Variants in ANKRD28 observed in about 807,000 individuals in gnomAD.
ANKRD28 encodes the protein ankyrin repeat domain 28, also known as serine/threonine-protein phosphatase 6 regulatory ankyrin repeat subunit A.
A neutral mutation model predicts 126.5 loss-of-function variants in ANKRD28; 44 were observed. The observed-to-expected ratio is 0.35, with a 90% CI of 0.27 to 0.45. ANKRD28 has a LOEUF of 0.45. Among genes scored for constraint, ANKRD28 ranks in the 20% least tolerant of loss-of-function variants. The probability of loss-of-function intolerance (pLI) is 1.00; values close to 1 mark genes in which losing one functional copy is unlikely to be tolerated. For missense variants in ANKRD28, 1,110 were observed against 1,316.6 expected, an observed-to-expected ratio of 0.84 and a Z score of 2.43; for synonymous variants, 442 against 468.5, an observed-to-expected ratio of 0.94 and a Z score of 0.73.
chr3:15,736,894 T>C (rs935656809), intron 5 of ANKRD28, 139 bp downstream of exon 5: 5 of 854,566 alleles, frequency 5.9e-6, no homozygotes, highest in African/African-American at 3.4e-5. Context: ...GAGAAAGTTA[T>C]AAAAGGAGGC....
At chr3:15,674,407 ATG>A (rs2066724543) in intron 27 of ANKRD28, among the ~76,000 whole-genome samples, 1 of 152,098 alleles carries the variant, frequency 6.6e-6, no homozygotes, top group Admixed American at 6.6e-5. Context: ...ACTGTTAAGA[ATG>A]AGAATTGTCT....
intron 6 of ANKRD28, among the ~76,000 whole-genome samples, chr3:15,734,012 C>T (rs1290076252): frequency 6.6e-6 from 1 of 151,950 alleles, no homozygotes; most frequent in Non-Finnish European, 1.5e-5. Context: ...TACAGTTGAC[C>T]CTGGAATAAC....
chr3:15,714,542 A>AAC, intron 9 of ANKRD28, 36 bp downstream of exon 9: 1 of 1,485,542 alleles, frequency 6.7e-7, no homozygotes, highest in South Asian at 1.3e-5. Context: ...GAAAAAAAAA[A>AAC]AAAAACCCCA....
intron 1 of ANKRD28, among the ~76,000 whole-genome samples, chr3:15,811,908 C>G (rs1362103829): frequency 6.6e-6 from 1 of 151,612 alleles, no homozygotes; most frequent in Non-Finnish European, 1.5e-5. Context: ...AATCCCAGCA[C>G]TTTGGGAGGT....
intron 2 of ANKRD28, among the ~76,000 whole-genome samples, chr3:15,778,087 C>A (rs1031668817): frequency 6.6e-6 from 1 of 152,072 alleles, no homozygotes; most frequent in Non-Finnish European, 1.5e-5. Context: ...GAGCTCCTTT[C>A]GTGGTCTCCC....
chr3:15,681,835 C>T (rs146742186), intron 21 of ANKRD28, among the ~76,000 whole-genome samples: 1 of 152,276 alleles, frequency 6.6e-6, no homozygotes, highest in East Asian at 1.9e-4. Context: ...CAACTGGCAT[C>T]TAGTGGGTAG....
chr3:15,849,123 A>C (rs1478139988), intron 1 of ANKRD28, among the ~76,000 whole-genome samples: 1 of 152,212 alleles, frequency 6.6e-6, no homozygotes, highest in Admixed American at 6.5e-5. Context: ...CAAAACTTGT[A>C]CTCTTGAAAC....
intron 3 of ANKRD28, among the ~76,000 whole-genome samples, chr3:15,763,039 ATTTC>A (rs1198370309): frequency 1.3e-5 from 2 of 152,162 alleles, no homozygotes; most frequent in Non-Finnish European, 2.9e-5. Context: ...AGCCTGGTTT[ATTTC>A]TTTATTTTTT....
At position 15,674,196 on chromosome 3, in the gene ANKRD28, A is replaced by AAAAAAAAAAAAG. The variant is rs1470515364; in HGVS notation, c.2965+1701_2965+1702insCTTTTTTTTTTT. Among the ~76,000 whole-genome samples the AAAAAAAAAAAAG allele has an allele frequency of 6.8e-4, 88 of 130,112 alleles. 1 individual carries two copies. Among genetic ancestry groups the AAAAAAAAAAAAG allele is most frequent in the East Asian group, 3.1e-3 (9 of 2,934 alleles). 85.4% of individuals were successfully genotyped at this position (130,112 alleles called of 152,430 possible). On this transcript the variant is annotated intron_variant, in intron 27 of 27. Transcript: ENST00000683139. ...CTTCAAAAAAAAAAAAAAAAAAAAA[A>AAAAAAAAAAAAG]AAGAAGAAGAACCGAAATTCAAGAG...
At chr3:15,724,331 G>T (rs1483848324) in intron 7 of ANKRD28, 51 bp downstream of exon 7, 8 of 1,417,368 alleles carry the variant, frequency 5.6e-6, no homozygotes, top group Non-Finnish European at 7.6e-6. Context: ...TAATGTAATA[G>T]TAAGTATAAA....
rs748830802 is a variant in ANKRD28 at position 15,833,387 on chromosome 3, C to T, written c.27+25990G>A. ...CTCCAAGTTATTCAGTTTTGGGGCT[C>T]GGACTGGCTATCCTTGCTCCTCAGC... On this transcript the variant is annotated intron_variant, in intron 1 of 27. Transcript: ENST00000399451. This position sits in a 1 kb window ranked among gnomAD's most constrained non-coding sequence, Gnocchi z 4.4. 2.2e-4 allele frequency among the ~76,000 whole-genome samples: 34 copies of T among 151,996 alleles called. No homozygotes were observed. The highest frequency in any genetic ancestry group is 4.6e-4 in the Non-Finnish European group (31 of 67,976).
intron 21 of ANKRD28, 59 bp downstream of exon 21, chr3:15,685,167 G>A: frequency 3.2e-6 from 5 of 1,568,398 alleles, no homozygotes; most frequent in Non-Finnish European, 4.4e-6. Flanking sequence ...TTATAAATAT[G>A]TCATTCTTTT....
At chr3:15,793,602 G>GT (rs2060131683) in intron 2 of ANKRD28, among the ~76,000 whole-genome samples, 1 of 152,152 alleles carries the variant, frequency 6.6e-6, no homozygotes, top group African/African-American at 2.4e-5. Flanking sequence ...AATCAAGGTA[G>GT]TATTTGTCAG....
rs758711890 is a variant in ANKRD28 at position 15,690,191 on chromosome 3, T to C, written c.1791A>G (p.Glu597=). The change falls in exon 18 of 28, where the codon GAA becomes GAG. Residue 597 remains glutamate, a synonymous_variant. Transcript: ENST00000683139. ...GATCTAACAAAGACTGTACCAACACTTCCAGTGCTTGATGGTGACCATGAT... is the reference window on the plus strand; with the variant it reads ...GATCTAACAAAGACTGTACCAACACCTCCAGTGCTTGATGGTGACCATGAT... ...AAYHGHHQAL[E]VLVQSLLDLD... The C allele has an allele frequency of 6.2e-7, 1 of 1,605,302 alleles. No homozygotes were observed.
chr3:15,782,699 T>C (rs749541774), intron 2 of ANKRD28, among the ~76,000 whole-genome samples: 1 of 152,090 alleles, frequency 6.6e-6, no homozygotes, highest in Non-Finnish European at 1.5e-5. Flanking sequence ...AATCAATCAA[T>C]AGACTGTGAT....
chr3:15,685,750 G>A (rs542410747), intron 20 of ANKRD28, among the ~76,000 whole-genome samples: 1 of 152,232 alleles, frequency 6.6e-6, no homozygotes, highest in Non-Finnish European at 1.5e-5. Flanking sequence ...TGAGATAATG[G>A]AAAAAGTCAA....
rs562421851 is a variant in ANKRD28 at position 15,685,090 on chromosome 3, T to A, written c.2389+136A>T. 8.1e-5 allele frequency: 64 copies of A among 789,654 alleles called. No individual in the cohort carries two copies. In the African/African-American group the frequency reaches 1.1e-3, roughly 13 times the overall value. 48.9% of individuals were successfully genotyped at this position (789,654 alleles called of 1,614,324 possible). A position where few individuals can be genotyped will look rare whatever the true frequency, so the allele number is the denominator to read the frequency against. On this transcript the variant is annotated intron_variant, in intron 21 of 27. Transcript: ENST00000683139. ...GAGTGAGCCTACGTACTAAGTATTA[T>A]TAGTACGTGAGCCTATACAGTAGAT...
rs1559592295 is a variant in ANKRD28 at position 15,843,233 on chromosome 3, G to T, written c.27+16144C>A. 2.0e-5 allele frequency among the ~76,000 whole-genome samples: 3 copies of T among 152,186 alleles called. No homozygotes were observed. Among genetic ancestry groups the T allele is most frequent in the Non-Finnish European group, 4.4e-5 (3 of 68,042 alleles). ...GGTGCCACACACTTTTAAATGACCA[G>T]ATCTCATGAGAACTCACTATCACAG... On this transcript the variant is annotated intron_variant, in intron 1 of 27. Coordinates refer to the ANKRD28 transcript ENST00000399451. This position sits in a 1 kb window ranked among gnomAD's most constrained non-coding sequence, Gnocchi z 5.2.
chr3:15,694,396 C>T (rs1015563257), intron 17 of ANKRD28, among the ~76,000 whole-genome samples: 6 of 152,106 alleles, frequency 3.9e-5, no homozygotes, highest in Non-Finnish European at 7.4e-5. Context: ...GCTTAGCCAA[C>T]TTATAAGGCA....
Sources: gnomAD v4.1 joint callset for allele counts (sites outside exome capture counted in the v4.1 genomes callset) on GRCh38, gnomAD v4.1.1 for gene constraint, Gnocchi (gnomAD v3.1) non-coding constraint, MANE v1.5 for transcripts, NCBI Gene and HGNC (gene_info 2026-07-23, HGNC 2026-07-21) for gene names.